Variants in EPB41L3 observed in about 807,000 individuals in gnomAD.
The protein encoded by EPB41L3 is band 4.1-like protein 3.
In EPB41L3, 57 loss-of-function variants were observed where a neutral mutation model predicts 127.1. That is an observed-to-expected ratio of 0.45 (90% CI 0.36 to 0.56). The LOEUF (loss-of-function observed/expected upper bound fraction) is 0.56. EPB41L3 is among the 20% of genes least tolerant of loss of function. The pLI is 0.00. For missense variants in EPB41L3, 1,273 were observed against 1,372.2 expected (o/e 0.93, Z 1.14); for synonymous variants, 572 against 549.5 (o/e 1.04, Z -0.57).
Position 5,492,148 on chromosome 18 carries a change from T to C in EPB41L3, c.-11-2954A>G, listed in dbSNP as rs143258025. 1.7e-3 allele frequency among the ~76,000 whole-genome samples: 259 copies of C among 152,232 alleles called. 1 individual carries two copies. Among genetic ancestry groups the C allele is most frequent in the African/African-American group, 6.0e-3 (248 of 41,556 alleles). ...CAGCCTGAACAACATGGTAAAACCCTGTCTCTACTAAAAATACAAAAATTA... is the reference window on the plus strand; with the variant it reads ...CAGCCTGAACAACATGGTAAAACCCCGTCTCTACTAAAAATACAAAAATTA... On this transcript the variant is annotated intron_variant, in intron 1 of 22. Transcript: ENST00000341928.
chr18:5,625,723 T>G (rs989185636), intron 1 of EPB41L3, among the ~76,000 whole-genome samples: 3 of 152,308 alleles, frequency 2.0e-5, no homozygotes, highest in African/African-American at 7.2e-5. Flanking sequence ...CCAGGTCATA[T>G]TCTAGGTGTT....
At chr18:5,503,796 T>G (rs2091939540) in intron 1 of EPB41L3, among the ~76,000 whole-genome samples, 1 of 152,190 alleles carries the variant, frequency 6.6e-6, no homozygotes, top group Admixed American at 6.5e-5. Flanking sequence ...GCCATTTTGT[T>G]TTTCTGGTTT....
chr18:5,472,846 C>T (rs2086416376), intron 3 of EPB41L3, among the ~76,000 whole-genome samples: 1 of 152,090 alleles, frequency 6.6e-6, no homozygotes, highest in Non-Finnish European at 1.5e-5. Flanking sequence ...TTTAACCGTC[C>T]CTTACTGACC....
intron 3 of EPB41L3, among the ~76,000 whole-genome samples, chr18:5,604,836 A>G (rs141041128): frequency 3.0e-3 from 457 of 152,200 alleles, no homozygotes; most frequent in African/African-American, 0.01. Context: ...TCCCAAAGCC[A>G]CAGGCATTTT....
At chr18:5,473,567 C>T (rs973612454) in intron 3 of EPB41L3, among the ~76,000 whole-genome samples, 4 of 151,260 alleles carry the variant, frequency 2.6e-5, no homozygotes, top group African/African-American at 9.7e-5. Context: ...ATAGTCACTA[C>T]GAATACACTG....
rs142703620 is a variant in EPB41L3 at position 5,398,842 on chromosome 18, C to G, written c.2350-699G>C. On this transcript the variant is annotated intron_variant, in intron 16 of 22. Transcript: ENST00000341928. Reference sequence around the variant, plus strand: ...CCTTCCAGGCCAGGGAGGACGGCCACATCCTTCTCCAGCTGTGGAGCCTTC... The same window carrying G: ...CCTTCCAGGCCAGGGAGGACGGCCAGATCCTTCTCCAGCTGTGGAGCCTTC... The G allele has an allele frequency of 2.8e-4, 112 of 399,334 alleles. 2 individuals carry two copies. The highest frequency in any genetic ancestry group is 2.1e-3 in the African/African-American group (102 of 48,766). 24.7% of individuals were successfully genotyped at this position (399,334 alleles called of 1,614,324 possible). A position where few individuals can be genotyped will look rare whatever the true frequency, so the allele number is the denominator to read the frequency against.
intron 1 of EPB41L3, among the ~76,000 whole-genome samples, chr18:5,524,340 C>T (rs1407256466): frequency 6.6e-6 from 1 of 152,034 alleles, no homozygotes; most frequent in Non-Finnish European, 1.5e-5. Context: ...ATTACAGGCA[C>T]CTGCCACCAC....
At chr18:5,541,353 T>C (rs193238600) in intron 1 of EPB41L3, among the ~76,000 whole-genome samples, 3 of 152,088 alleles carry the variant, frequency 2.0e-5, no homozygotes, top group East Asian at 1.9e-4. Context: ...CTTGGAGTTC[T>C]ATTTTACTGG....
At chr18:5,503,339 G>A (rs565295416) in intron 1 of EPB41L3, among the ~76,000 whole-genome samples, 1 of 152,128 alleles carries the variant, frequency 6.6e-6, no homozygotes, top group African/African-American at 2.4e-5. Flanking sequence ...GGTCTGCAGA[G>A]GATGAAACTC....
intron 3 of EPB41L3, among the ~76,000 whole-genome samples, chr18:5,474,027 C>T (rs2086666303): frequency 1.3e-5 from 2 of 151,902 alleles, no homozygotes; most frequent in Admixed American, 1.3e-4. Context: ...GTCAGGAGAT[C>T]GAGACCATCT....
At chr18:5,597,055 C>A (rs1461832979) in intron 3 of EPB41L3, among the ~76,000 whole-genome samples, 3 of 152,102 alleles carry the variant, frequency 2.0e-5, no homozygotes, top group Non-Finnish European at 4.4e-5. Flanking sequence ...ACACCCCCAT[C>A]TCTGAAAAGA....
intron 3 of EPB41L3, among the ~76,000 whole-genome samples, chr18:5,556,928 G>A (rs946970703): frequency 6.6e-6 from 1 of 152,124 alleles, no homozygotes; most frequent in African/African-American, 2.4e-5. Flanking sequence ...GTGATGACGG[G>A]GGCTCACAAT....
In EPB41L3 at chr18:5,407,850, T is replaced by C. The variant is rs2075667050; in HGVS notation, c.2122-114A>G. The C allele has an allele frequency of 3.7e-5, 32 of 859,856 alleles. 1 individual carries two copies. Among genetic ancestry groups the C allele is most frequent in the South Asian group, 3.7e-4 (25 of 68,026 alleles). The allele number at this position is 859,856 out of a possible 1,614,324, so 53.3% of individuals were successfully genotyped here. On this transcript the variant is annotated intron_variant, in intron 14 of 22. Transcript: ENST00000341928. ...ATGTGGGCACGTGTACGCTCTTGCA[T>C]ATGGATGCCACTTCTTTCTTATACA...
upstream of EPB41L3, among the ~76,000 whole-genome samples, chr18:5,547,589 A>G (rs1311415296): frequency 2.0e-5 from 3 of 152,194 alleles, no homozygotes; most frequent in Non-Finnish European, 4.4e-5. Context: ...ATTACTCTAT[A>G]TAATTTATAT....
rs751654186 is a variant in EPB41L3 at position 5,416,851 on chromosome 18, TA to T, written c.1507-474del. On this transcript the variant is annotated intron_variant, in intron 12 of 22. Coordinates refer to ENST00000341928, the MANE Select transcript of EPB41L3 (RefSeq NM_012307.5). ...GATGAAATCCAATCCAGATTTTGATTAAAAAAAAAAAACCAATCTCTAGCAT... is the reference window on the plus strand; with the variant it reads ...GATGAAATCCAATCCAGATTTTGATTAAAAAAAAAAACCAATCTCTAGCAT... Among the ~76,000 whole-genome samples, 653 of 145,442 alleles carry T rather than the reference TA, an allele frequency of 4.5e-3. 6 individuals carry two copies. Among genetic ancestry groups the T allele is most frequent in the African/African-American group, 0.014 (548 of 39,978 alleles).
intron 3 of EPB41L3, among the ~76,000 whole-genome samples, chr18:5,446,063 ACT>A (rs1385267932): frequency 2.0e-5 from 3 of 152,154 alleles, no homozygotes; most frequent in African/African-American, 7.2e-5. Context: ...TCTTAGGCAG[ACT>A]CTCACTTAAA....
chr18:5,543,993 G>A lies in EPB41L3; in HGVS notation c.-92C>T. ...GCGTCCTCGGCGGCGGTGCGCAGGA[G>A]ACTCGGGCGTGGGGAGGAAGCCGCA... On this transcript the variant is annotated 5_prime_UTR_variant, in exon 1 of 23. Transcript: ENST00000341928. The surrounding 1 kb of genome is among the most constrained non-coding windows in gnomAD (Gnocchi z 5.2). 1.0e-6 allele frequency: 1 copy of A among 985,592 alleles called. No homozygotes were observed. Among genetic ancestry groups the A allele is most frequent in the Non-Finnish European group, 1.2e-6 (1 of 830,046 alleles). The allele number at this position is 985,592 out of a possible 1,614,324, so 61.1% of individuals were successfully genotyped here.
chr18:5,478,204 A>T, intron 3 of EPB41L3, 37 bp downstream of exon 3: 1 of 1,581,950 alleles, frequency 6.3e-7, no homozygotes, highest in Non-Finnish European at 8.7e-7. Context: ...CCAGCTCTCA[A>T]TATCTAGGAC....
Position 5,503,194 on chromosome 18 carries a change from C to G in EPB41L3, c.-11-14000G>C, listed in dbSNP as rs534016491. The stretch of plus-strand genomic sequence containing the variant: ...TTTGGCTAGGTGGCCATTCTACTGT[C>G]TTAACTTAGTTTTTTATAGAAAAAG... On this transcript the variant is annotated intron_variant, in intron 1 of 22. Transcript: ENST00000341928. Among the ~76,000 whole-genome samples, 7 of 152,182 alleles carry G rather than the reference C, an allele frequency of 4.6e-5. No individual in the cohort carries two copies. In the South Asian group the frequency reaches 1.5e-3, roughly 32 times the overall value.
Sources: allele counts gnomAD v4.1 joint callset (sites outside exome capture counted in the v4.1 genomes callset), GRCh38; gene constraint gnomAD v4.1.1; non-coding constraint Gnocchi (gnomAD v3.1); transcripts MANE v1.5; gene names NCBI Gene and HGNC (gene_info 2026-07-23, HGNC 2026-07-21).